The following VSTM2L variants were observed in gnomAD, a reference collection of about 807,000 sequenced individuals.
VSTM2L encodes the protein V-set and transmembrane domain-containing protein 2-like protein.
VSTM2L carries 9 observed loss-of-function variants against 19.9 expected under a neutral mutation model. The ratio of observed to expected loss-of-function variants is 0.45; its 90% CI spans 0.27 to 0.79. VSTM2L has a LOEUF of 0.79. VSTM2L is among the 30% of genes least tolerant of loss of function. VSTM2L has a pLI of 0.15. For missense variants in VSTM2L, 286 were observed against 295.5 expected, an observed-to-expected ratio of 0.97 and a Z score of 0.24; for synonymous variants, 127 against 133.8, an observed-to-expected ratio of 0.95 and a Z score of 0.35.
At chr20:37,917,296 C>T (rs552883886) in intron 1 of VSTM2L, among the ~76,000 whole-genome samples, 3 of 151,496 alleles carry the variant, frequency 2.0e-5, no homozygotes, top group East Asian at 1.9e-4. Context: ...ACCTGGGCGA[C>T]GGTGTGAGAC....
chr20:37,904,769 G>T (rs1211903687), intron 1 of VSTM2L, among the ~76,000 whole-genome samples: 1 of 152,156 alleles, frequency 6.6e-6, no homozygotes, highest in East Asian at 1.9e-4. Flanking sequence ...TTTTGCTGGG[G>T]TATGACACAT....
rs574239622 is a variant in VSTM2L at position 37,903,568 on chromosome 20, G to A, written c.121+97G>A. The A allele has an allele frequency of 6.1e-5, 80 of 1,312,670 alleles. 1 individual carries two copies. In the South Asian group the frequency reaches 1.5e-3, roughly 24 times the overall value. 81.3% of individuals were successfully genotyped at this position (1,312,670 alleles called of 1,614,324 possible). On this transcript the variant is annotated intron_variant, in intron 1 of 3. Coordinates refer to ENST00000373461, the MANE Select transcript of VSTM2L (RefSeq NM_080607.3). ...CGCCCCGGGGCTCGAACCGGCGCCA[G>A]TCGTGGCGGGCATCCCGGGGCGCCC...
chr20:37,927,975 T>C (rs1196751896), intron 1 of VSTM2L, among the ~76,000 whole-genome samples: 1 of 152,170 alleles, frequency 6.6e-6, no homozygotes, highest in African/African-American at 2.4e-5. Flanking sequence ...GTGTTCTGCA[T>C]TGAGCAAGTT....
Position 37,906,326 on chromosome 20 carries a change from T to A in VSTM2L, c.121+2855T>A, listed in dbSNP as rs370905546. ...GTGAGGAATGAATGGGGAGCATGTA[T>A]CTCAAGGAGGCATCAGGCACTGGGA... On this transcript the variant is annotated intron_variant, in intron 1 of 3. Transcript: ENST00000373461. Among the ~76,000 whole-genome samples the A allele has an allele frequency of 3.9e-4, 60 of 152,278 alleles. 2 individuals carry two copies. The highest frequency in any genetic ancestry group is 1.0e-3 in the African/African-American group (42 of 41,558).
Position 37,944,361 on chromosome 20 carries a change from G to C in VSTM2L, c.*108G>C. 7.8e-7 allele frequency: 1 copy of C among 1,278,798 alleles called. No homozygotes were observed. The highest frequency in any genetic ancestry group is 1.0e-6 in the Non-Finnish European group (1 of 991,280). 79.2% of individuals were successfully genotyped at this position (1,278,798 alleles called of 1,614,324 possible). A position where few individuals can be genotyped will look rare whatever the true frequency, so the allele number is the denominator to read the frequency against. On this transcript the variant is annotated 3_prime_UTR_variant, in exon 4 of 4. Coordinates refer to ENST00000373461, the MANE Select transcript of VSTM2L (RefSeq NM_080607.3). ...CTGCGTCCAGCCGCGCCCCATCCCC[G>C]AGGCCGCCTGTGGCCACCATGTCGG...
Position 37,933,526 on chromosome 20 carries a change from C to G in VSTM2L, c.292-13C>G. 3 of 1,613,556 alleles carry G rather than the reference C, an allele frequency of 1.9e-6. No individual in the cohort carries two copies. Among genetic ancestry groups the G allele is most frequent in the Non-Finnish European group, 2.5e-6 (3 of 1,179,852 alleles). On this transcript the variant is annotated splice_polypyrimidine_tract_variant and intron_variant, in intron 2 of 3. Coordinates refer to ENST00000373461, the MANE Select transcript of VSTM2L (RefSeq NM_080607.3). The stretch of plus-strand genomic sequence containing the variant: ...TTGTCTCTGCTCTCTCCGCCCCTCC[C>G]CGATCCCAACAGCTAAAAGCATCTC...
chr20:37,904,532 G>A (rs2072740690), intron 1 of VSTM2L, among the ~76,000 whole-genome samples: 1 of 152,234 alleles, frequency 6.6e-6, no homozygotes, highest in Admixed American at 6.5e-5. Flanking sequence ...ACCCCTGTGA[G>A]CCTGGCTCTG....
intron 2 of VSTM2L, 81 bp downstream of exon 2, chr20:37,931,885 T>C: frequency 7.0e-7 from 1 of 1,427,222 alleles, no homozygotes; most frequent in Non-Finnish European, 9.4e-7. Flanking sequence ...GCCCCTCTTC[T>C]CCTCTGAGGG....
intron 1 of VSTM2L, among the ~76,000 whole-genome samples, chr20:37,926,037 G>A (rs1051439870): frequency 2.0e-5 from 3 of 152,184 alleles, no homozygotes; most frequent in South Asian, 2.1e-4. Context: ...GACTCTGCAA[G>A]GTTGGCCATT....
intron 3 of VSTM2L, among the ~76,000 whole-genome samples, chr20:37,936,513 C>A (rs1032878025): frequency 6.6e-6 from 1 of 152,094 alleles, no homozygotes; most frequent in African/African-American, 2.4e-5. Context: ...CATATGTGAT[C>A]AAATAATAAT....
chr20:37,925,622 C>A (rs1021152693), intron 1 of VSTM2L, among the ~76,000 whole-genome samples: 1 of 152,228 alleles, frequency 6.6e-6, no homozygotes, highest in Non-Finnish European at 1.5e-5. Context: ...GAGTTTCCCA[C>A]TTGTCCTGTG....
intron 1 of VSTM2L, among the ~76,000 whole-genome samples, chr20:37,915,086 G>A (rs576548137): frequency 1.9e-3 from 286 of 152,366 alleles, no homozygotes; most frequent in African/African-American, 6.7e-3. Context: ...ATGGAGGCCC[G>A]GCGGCCAGAG....
intron 1 of VSTM2L, among the ~76,000 whole-genome samples, chr20:37,925,676 C>T (rs1251698815): frequency 1.3e-5 from 2 of 152,206 alleles, no homozygotes; most frequent in African/African-American, 2.4e-5. Context: ...TCAAAAGGTC[C>T]CTGAGGGTGC....
At chr20:37,923,891 A>G (rs1321745261) in intron 1 of VSTM2L, among the ~76,000 whole-genome samples, 1 of 152,178 alleles carries the variant, frequency 6.6e-6, no homozygotes, top group East Asian at 1.9e-4. Flanking sequence ...GGGGGATAAT[A>G]ATGATCACAC....
chr20:37,945,234 A>G lies in VSTM2L; in HGVS notation c.*981A>G. ...CTGGCACCTCTGGCTGCCGCAGCTCAGTGATGACGTGGGGGAGGTGGGAGA... is the reference window on the plus strand; with the variant it reads ...CTGGCACCTCTGGCTGCCGCAGCTCGGTGATGACGTGGGGGAGGTGGGAGA... On this transcript the variant is annotated 3_prime_UTR_variant, in exon 4 of 4. Transcript: ENST00000373461. The G allele has an allele frequency of 1.0e-6, 1 of 985,518 alleles. No homozygotes were observed. Among genetic ancestry groups the G allele is most frequent in the Non-Finnish European group, 1.2e-6 (1 of 830,010 alleles). 61.0% of individuals were successfully genotyped at this position (985,518 alleles called of 1,614,324 possible). A position where few individuals can be genotyped will look rare whatever the true frequency, so the allele number is the denominator to read the frequency against.
Position 37,944,288 on chromosome 20 carries a change from G to A in VSTM2L, c.*35G>A, listed in dbSNP as rs548121035. ...CCTGCCCCCGCCCATCCGCCCCCAC[G>A]CTGTACAGAGTGCATGAGGAGCCGC... is the stretch of plus-strand genomic sequence containing the variant. On this transcript the variant is annotated 3_prime_UTR_variant, in exon 4 of 4. Transcript: ENST00000373461. 1.2e-5 allele frequency: 17 copies of A among 1,385,776 alleles called. No homozygotes were observed. In the East Asian group the frequency reaches 2.8e-4, roughly 23 times the overall value. The allele number at this position is 1,385,776 out of a possible 1,614,324, so 85.8% of individuals were successfully genotyped here.
intron 1 of VSTM2L, among the ~76,000 whole-genome samples, chr20:37,928,886 T>G (rs1437457848): frequency 6.6e-6 from 1 of 152,246 alleles, no homozygotes; most frequent in Non-Finnish European, 1.5e-5. Context: ...AGCCATTACC[T>G]GCAAGTGGCT....
intron 3 of VSTM2L, among the ~76,000 whole-genome samples, chr20:37,936,662 G>A (rs538174396): frequency 2.0e-5 from 3 of 152,316 alleles, no homozygotes; most frequent in East Asian, 3.9e-4. Flanking sequence ...ACTGCCAGGC[G>A]GGGACCGTGA....
At chr20:37,933,227 G>T (rs1003726068) in intron 2 of VSTM2L, among the ~76,000 whole-genome samples, 1 of 152,238 alleles carries the variant, frequency 6.6e-6, no homozygotes, top group Admixed American at 6.5e-5. Context: ...CCAAGCCAAT[G>T]CTTAGATTTC....
Sources: gnomAD v4.1 joint callset for allele counts (sites outside exome capture counted in the v4.1 genomes callset) on GRCh38, gnomAD v4.1.1 for gene constraint, MANE v1.5 for transcripts, NCBI Gene and HGNC (gene_info 2026-07-23, HGNC 2026-07-21) for gene names.